The following NBEAL2 variants were observed in gnomAD, a reference collection of about 807,000 sequenced individuals.
NBEAL2 encodes neurobeachin-like protein 2.
Under a neutral mutation model 299.8 loss-of-function variants are expected in NBEAL2, and 160 were observed. That is an observed-to-expected ratio of 0.53 (90% CI 0.47 to 0.61). The LOEUF (loss-of-function observed/expected upper bound fraction) is 0.61, where lower values mean the gene tolerates loss of function less well. Ranked by LOEUF, NBEAL2 falls within the 20% of genes least tolerant of loss-of-function variation. The pLI is 0.00. For missense variants in NBEAL2, 3,112 were observed against 3,649.0 expected (o/e 0.85, Z 3.79); for synonymous variants, 1,493 against 1,542.3 (o/e 0.97, Z 0.75).
At chr3:46,999,503 G>A (rs748773894) in intron 25 of NBEAL2, 29 bp downstream of exon 25, 9 of 1,581,510 alleles carry the variant, frequency 5.7e-6, no homozygotes, top group Non-Finnish European at 7.7e-6. Flanking sequence ...CAAGTGGAGG[G>A]GGTGACATGT....
At position 46,979,920 on chromosome 3, in the gene NBEAL2, C is replaced by T. The variant is rs2035188095; in HGVS notation, c.51+8C>T. 2.6e-6 allele frequency: 1 copy of T among 386,918 alleles called. No individual in the cohort carries two copies. Among genetic ancestry groups the T allele is most frequent in the Non-Finnish European group, 4.6e-6 (1 of 215,896 alleles). 24.0% of individuals were successfully genotyped at this position (386,918 alleles called of 1,614,324 possible). A position where few individuals can be genotyped will look rare whatever the true frequency, so the allele number is the denominator to read the frequency against. The stretch of plus-strand genomic sequence containing the variant: ...CTGCTCTACTACGCGCAGGTGAGCC[C>T]GCCCCGCCCCGCGCCCGCACCCGCA... On this transcript the variant is annotated splice_region_variant and intron_variant, in intron 1 of 53. Coordinates refer to ENST00000450053, the MANE Select transcript of NBEAL2 (RefSeq NM_015175.3).
chr3:47,008,540 G>A lies in NBEAL2; in HGVS notation c.7899G>A (p.Leu2633=), dbSNP rs191125691. Residue 2633 remains leucine, a synonymous_variant, in exon 52 of 54, where the codon CTG becomes CTA. Coordinates refer to ENST00000450053, the MANE Select transcript of NBEAL2 (RefSeq NM_015175.3). ...TCCAGGTCACCTACTCCTTGCACCTGTATTCAGTCAATGGGAAGTTGCGGG... is the reference window on the plus strand; with the variant it reads ...TCCAGGTCACCTACTCCTTGCACCTATATTCAGTCAATGGGAAGTTGCGGG... The part of the protein sequence containing the change: ...PGAQVTYSLH[L]YSVNGKLRAS... The A allele has an allele frequency of 2.9e-5, 46 of 1,613,730 alleles. No homozygotes were observed. The African/African-American group carries it at 5.3e-4, about 19-fold the overall frequency.
rs1481175159 is a variant in NBEAL2, at chr3:47,005,965, C to T, written c.6821C>T (p.Ala2274Val). ...TCTCAGGAGTCGGAGTATGTGTCTG[C>T]ACACCTACACGAGTGGATCGACCTC... ...RQALESEYVS[A>V]HLHEWIDLIF... The change falls in exon 43 of 54, where the codon GCA becomes GTA. Residue 2274 changes from alanine to valine, a missense_variant. Physicochemically the swap from Ala to Val is moderately conservative, Grantham distance 64. Around this residue, in one of 3 missense-constraint regions of NBEAL2, gnomAD observed 521 missense variants for 729.6 expected, o/e 0.71. Transcript: ENST00000450053. 2 of 1,613,598 alleles carry T rather than the reference C, an allele frequency of 1.2e-6. No homozygotes were observed. Among genetic ancestry groups the T allele is most frequent in the Non-Finnish European group, 1.7e-6 (2 of 1,179,874 alleles).
chr3:46,988,073 T>C lies in NBEAL2; in HGVS notation c.52-596T>C, dbSNP rs964151635. 1 of 1,235,462 alleles carries C rather than the reference T, an allele frequency of 8.1e-7. No individual in the cohort carries two copies. Among genetic ancestry groups the C allele is most frequent in the East Asian group, 6.4e-5 (1 of 15,558 alleles). 76.5% of individuals were successfully genotyped at this position (1,235,462 alleles called of 1,614,324 possible). A position where few individuals can be genotyped will look rare whatever the true frequency, so the allele number is the denominator to read the frequency against. On this transcript the variant is annotated intron_variant, in intron 1 of 53. Transcript: ENST00000450053. The surrounding 1 kb of genome is among the most constrained non-coding windows in gnomAD (Gnocchi z 4.4). ...ATGGAACCAGCTCTGGGGCCTGGGG[T>C]CCAGGTAACCAGCAAGGGTGGGTGG...
At position 46,999,426 on chromosome 3, in the gene NBEAL2, GT is replaced by G; in HGVS notation, c.3658del (p.Ser1220ProfsTer18). 6.3e-7 allele frequency: 1 copy of G among 1,590,526 alleles called. No homozygotes were observed. The highest frequency in any genetic ancestry group is 1.3e-5 in the African/African-American group (1 of 74,444). On this transcript the variant is annotated frameshift_variant, in exon 25 of 54. Coordinates refer to ENST00000450053, the MANE Select transcript of NBEAL2 (RefSeq NM_015175.3). LOFTEE classifies it high-confidence loss of function. ...GLVACLPEGTVSPQLCQGLYK... is the reference protein window; with the variant it reads ...GLVACLPEGTXSPQLCQGLYK... ...GGTTGCCTGCTTGCCTGAGGGGACT[GT>G]TTCCCCCCAGCTCTGCCAGGGCCTC...
At position 46,995,779 on chromosome 3, in the gene NBEAL2, C is replaced by T; in HGVS notation, c.1964C>T (p.Ala655Val). 1 of 1,613,804 alleles carries T rather than the reference C, an allele frequency of 6.2e-7. No homozygotes were observed. The highest frequency in any genetic ancestry group is 8.5e-7 in the Non-Finnish European group (1 of 1,179,876). Residue 655 changes from alanine (A) to valine (V), a missense_variant, in exon 14 of 54, where the codon GCT becomes GTT. Ala to Val is a moderately conservative substitution (Grantham distance 64, BLOSUM62 0). Coordinates refer to ENST00000450053, the MANE Select transcript of NBEAL2 (RefSeq NM_015175.3). ...ACGGCGGCCGGGACCCTGGTGGTGG[C>T]TGTGTGCACACGGAAGGAGTATTTG... The part of the protein sequence containing the change: ...FFTAAGTLVV[A>V]VCTRKEYLTM...
At chr3:46,990,969 T>C (rs1277925448) in intron 6 of NBEAL2, among the ~76,000 whole-genome samples, 1 of 152,094 alleles carries the variant, frequency 6.6e-6, no homozygotes, top group East Asian at 1.9e-4. Context: ...CTGGCTAGAC[T>C]CTCAGGGCTG....
intron 24 of NBEAL2, 31 bp from the exon 25 acceptor site, chr3:46,999,284 T>C (rs1316536144): frequency 6.3e-7 from 1 of 1,581,314 alleles, no homozygotes; most frequent in Non-Finnish European, 8.6e-7. Flanking sequence ...TCCTTCCACA[T>C]GATGACAGTC....
In NBEAL2 at chr3:46,995,648, G is replaced by A. The variant is rs1298772693; in HGVS notation, c.1898+15G>A. ...CAGCTGTACAGGTGGGTGACTGCCAGGGGCCAGGGACCTCCTGCCAGGGTG... is the reference window on the plus strand; with the variant it reads ...CAGCTGTACAGGTGGGTGACTGCCAAGGGCCAGGGACCTCCTGCCAGGGTG... On this transcript the variant is annotated intron_variant, in intron 13 of 53. Transcript: ENST00000450053. 8.7e-6 allele frequency: 14 copies of A among 1,609,110 alleles called. No homozygotes were observed. Among genetic ancestry groups the A allele is most frequent in the Non-Finnish European group, 1.2e-5 (14 of 1,176,816 alleles).
rs114695147 is a variant in NBEAL2 at position 46,990,631 on chromosome 3, G to A, written c.557-588G>A. Among the ~76,000 whole-genome samples, 304 of 152,316 alleles carry A rather than the reference G, an allele frequency of 2.0e-3. 1 individual carries two copies. Among genetic ancestry groups the A allele is most frequent in the African/African-American group, 6.1e-3 (253 of 41,560 alleles). ...TCCTCCTCTGCCAGGCATGTGACCC[G>A]GGGCTAGTCCCTTCTGCCCTCTGAG... is the stretch of plus-strand genomic sequence containing the variant. On this transcript the variant is annotated intron_variant, in intron 6 of 53. Transcript: ENST00000450053.
intron 11 of NBEAL2, 113 bp downstream of exon 11, chr3:46,994,133 C>A: frequency 8.7e-7 from 1 of 1,149,276 alleles, no homozygotes; most frequent in Admixed American, 2.1e-5. Flanking sequence ...TGGAGCAAAG[C>A]AGGCGAGCTG....
intron 6 of NBEAL2, among the ~76,000 whole-genome samples, chr3:46,990,392 T>C (rs2107303351): frequency 6.6e-6 from 1 of 152,344 alleles, no homozygotes; most frequent in East Asian, 1.9e-4. Flanking sequence ...GATGAAATCC[T>C]ACTCCTCCCA....
rs367934927 is a variant in NBEAL2, at chr3:47,007,048, C to A, written c.7135-18C>A. 1 of 1,599,254 alleles carries A rather than the reference C, an allele frequency of 6.3e-7. No homozygotes were observed. Among genetic ancestry groups the A allele is most frequent in the Non-Finnish European group, 8.5e-7 (1 of 1,171,214 alleles). On this transcript the variant is annotated intron_variant, in intron 45 of 53. Coordinates refer to ENST00000450053, the MANE Select transcript of NBEAL2 (RefSeq NM_015175.3). ...TGATAGTACTCAGGCATAGCTAGGC[C>A]TGCCCTTGCCCCTGCAGGTTGTCAG...
At position 47,001,679 on chromosome 3, in the gene NBEAL2, T is replaced by C. The variant is rs1356415107; in HGVS notation, c.4645-10T>C. The C allele has an allele frequency of 1.2e-6, 2 of 1,610,120 alleles. No homozygotes were observed. The highest frequency in any genetic ancestry group is 8.5e-7 in the Non-Finnish European group (1 of 1,176,814). Reference sequence around the variant, plus strand: ...GGTGATGTCTGTTGGGAACCTGTTTTCTGTGGCAGCTCTTTGAAGGTGTAT... The same window carrying C: ...GGTGATGTCTGTTGGGAACCTGTTTCCTGTGGCAGCTCTTTGAAGGTGTAT... On this transcript the variant is annotated splice_polypyrimidine_tract_variant and intron_variant, in intron 29 of 53. Coordinates refer to ENST00000450053, the MANE Select transcript of NBEAL2 (RefSeq NM_015175.3). The surrounding 1 kb of genome is among the most constrained non-coding windows in gnomAD (Gnocchi z 6.1).
Position 47,004,777 on chromosome 3 carries a change from C to A in NBEAL2, c.6294+187C>A. The A allele has an allele frequency of 9.7e-7, 1 of 1,030,376 alleles. No homozygotes were observed. Among genetic ancestry groups the A allele is most frequent in the Non-Finnish European group, 1.4e-6 (1 of 701,040 alleles). The allele number at this position is 1,030,376 out of a possible 1,614,324, so 63.8% of individuals were successfully genotyped here. On this transcript the variant is annotated intron_variant, in intron 38 of 53. Coordinates refer to ENST00000450053, the MANE Select transcript of NBEAL2 (RefSeq NM_015175.3). This position sits in a 1 kb window ranked among gnomAD's most constrained non-coding sequence, Gnocchi z 5.0. ...TCCCCAGCCTCACTCCCTTCCCCTC[C>A]CTGCCTAGCCTCTATTCCTCAAAAG... is the stretch of plus-strand genomic sequence containing the variant.
Position 46,995,373 on chromosome 3 carries a change from A to G in NBEAL2, c.1638A>G (p.Glu546=), listed in dbSNP as rs1402338508. The change falls in exon 13 of 54, where the codon GAA becomes GAG. Residue 546 remains glutamate, a synonymous_variant. Coordinates refer to ENST00000450053, the MANE Select transcript of NBEAL2 (RefSeq NM_015175.3). ...LLRPRPGLDS[E]PGGAEAGKAR... is the part of the protein sequence containing the mutation. Reference sequence around the variant, plus strand: ...GCCCCCGGCCAGGATTGGACTCGGAACCAGGCGGAGCTGAGGCTGGAAAGG... The same window carrying G: ...GCCCCCGGCCAGGATTGGACTCGGAGCCAGGCGGAGCTGAGGCTGGAAAGG... The G allele has an allele frequency of 1.2e-6, 2 of 1,612,410 alleles. No individual in the cohort carries two copies. The highest frequency in any genetic ancestry group is 1.7e-6 in the Non-Finnish European group (2 of 1,179,728).
chr3:47,005,687 G>C, intron 41 of NBEAL2, 51 bp from the exon 42 acceptor site: 1 of 1,490,852 alleles, frequency 6.7e-7, no homozygotes, highest in Admixed American at 2.1e-5. Context: ...GGAGTGGCCA[G>C]GGGGCAGTCG....
intron 18 of NBEAL2, 80 bp downstream of exon 18, chr3:46,997,126 G>A: frequency 6.4e-7 from 1 of 1,554,768 alleles, no homozygotes; most frequent in Non-Finnish European, 8.8e-7. Context: ...CTGGGGAGCA[G>A]CGCTGTGCCT....
Position 47,009,644 on chromosome 3 carries a change from A to C in NBEAL2, c.*324A>C. On this transcript the variant is annotated 3_prime_UTR_variant, in exon 54 of 54. Transcript: ENST00000450053. The stretch of plus-strand genomic sequence containing the variant: ...AGCACGAGGGCCGCCTGTGGCCTTA[A>C]TTCCTAACGGCGGCCCCGGTTCTCC... The C allele has an allele frequency of 2.6e-6, 1 of 378,058 alleles. No individual in the cohort carries two copies. The allele number at this position is 378,058 out of a possible 1,614,324, so 23.4% of individuals were successfully genotyped here. A position where few individuals can be genotyped will look rare whatever the true frequency, so the allele number is the denominator to read the frequency against.
Sources: gnomAD v4.1 joint callset for allele counts (sites outside exome capture counted in the v4.1 genomes callset) on GRCh38, gnomAD v4.1.1 for gene constraint, gnomAD v4.1.1 regional missense constraint, Gnocchi (gnomAD v3.1) non-coding constraint, MANE v1.5 for transcripts, NCBI Gene and HGNC (gene_info 2026-07-23, HGNC 2026-07-21) for gene names.